NR6A1: variants seen among roughly 807,000 people sequenced by gnomAD.
The protein encoded by NR6A1 is nuclear receptor subfamily 6 group A member 1, also known as retinoic acid receptor-related testis-associated receptor.
Under a neutral mutation model 59.1 loss-of-function variants are expected in NR6A1, and 7 were observed. The observed-to-expected ratio is 0.12, with a 90% CI of 0.07 to 0.22. The LOEUF (loss-of-function observed/expected upper bound fraction) is 0.22. Among genes scored for constraint, NR6A1 ranks in the 10% least tolerant of loss-of-function variants. NR6A1 has a pLI of 1.00. For synonymous variants in NR6A1, 243 were observed against 236.1 expected (o/e 1.03, Z -0.27); for missense variants, 468 against 611.6 (o/e 0.77, Z 2.48).
rs535727593 is a variant in NR6A1 at position 124,737,527 on chromosome 9, A to G, written c.101-4178T>C. On this transcript the variant is annotated intron_variant, in intron 1 of 9. Transcript: ENST00000487099. ...CCCAAATGTACGTTAAATTGGATTT[A>G]TTCAATTAGATTCAACTCAAAGGCA... Among the ~76,000 whole-genome samples the G allele has an allele frequency of 7.2e-5, 11 of 152,340 alleles. No individual in the cohort carries two copies. The South Asian group carries it at 2.3e-3, about 32-fold the overall frequency.
chr9:124,718,540 A>G (rs1466128899), intron 2 of NR6A1, among the ~76,000 whole-genome samples: 2 of 152,238 alleles, frequency 1.3e-5, no homozygotes, highest in African/African-American at 4.8e-5. Flanking sequence ...AATTTGGCAG[A>G]ATAGCCATGG....
chr9:124,707,892 T>C (rs1376143923), intron 2 of NR6A1, among the ~76,000 whole-genome samples: 2 of 152,120 alleles, frequency 1.3e-5, no homozygotes, highest in Non-Finnish European at 2.9e-5. Context: ...GCTGCAACTA[T>C]GGTCAGGATA....
intron 2 of NR6A1, among the ~76,000 whole-genome samples, chr9:124,598,351 TAA>T (rs35509880): frequency 6.2e-5 from 8 of 129,740 alleles, no homozygotes; most frequent in Non-Finnish European, 8.2e-5. Context: ...CGTCCCTACT[TAA>T]AAAAAAAAAA....
chr9:124,599,328 AGAACCGCTT>A (rs1265357119), intron 2 of NR6A1: 3 of 367,770 alleles, frequency 8.2e-6, no homozygotes, highest in Non-Finnish European at 1.5e-5. Context: ...CCGAGGCAGG[AGAACCGCTT>A]GAACCCGGGA....
At chr9:124,769,846 C>T (rs567832364) in intron 1 of NR6A1, among the ~76,000 whole-genome samples, 25 of 152,226 alleles carry the variant, frequency 1.6e-4, no homozygotes, top group Non-Finnish European at 2.4e-4. Flanking sequence ...GCGCTAATTG[C>T]TCCAGGGCGC....
At chr9:124,685,313 C>T (rs191366382) in intron 2 of NR6A1, among the ~76,000 whole-genome samples, 2 of 152,292 alleles carry the variant, frequency 1.3e-5, no homozygotes, top group African/African-American at 2.4e-5. Flanking sequence ...CATTTCCCAT[C>T]GCTACCACTT....
chr9:124,556,144 G>C (rs530418779), intron 2 of NR6A1, among the ~76,000 whole-genome samples: 1 of 152,202 alleles, frequency 6.6e-6, no homozygotes, highest in Non-Finnish European at 1.5e-5. Context: ...AAAGGAAAAA[G>C]GGTATTTGTA....
At chr9:124,767,468 C>T (rs972090703) in intron 1 of NR6A1, among the ~76,000 whole-genome samples, 8 of 148,606 alleles carry the variant, frequency 5.4e-5, no homozygotes, top group African/African-American at 2.0e-4. Context: ...TGTCGCCTTT[C>T]TTCTACCCTA....
chr9:124,590,143 T>C (rs554824481), intron 2 of NR6A1, among the ~76,000 whole-genome samples: 64 of 141,298 alleles, frequency 4.5e-4, no homozygotes, highest in African/African-American at 1.6e-3. Context: ...TGAAACTTCA[T>C]AGAAAGGAAA....
intron 2 of NR6A1, among the ~76,000 whole-genome samples, chr9:124,627,903 TTTTTTTTC>T (rs1836294516): frequency 7.0e-6 from 1 of 141,848 alleles, no homozygotes; most frequent in African/African-American, 2.9e-5. Flanking sequence ...TTTTTTTTTT[TTTTTTTTC>T]AAAACAAAGC....
At chr9:124,707,243 G>A (rs917978519) in intron 2 of NR6A1, among the ~76,000 whole-genome samples, 4 of 151,672 alleles carry the variant, frequency 2.6e-5, no homozygotes, top group Non-Finnish European at 4.4e-5. Flanking sequence ...CTATCTACAA[G>A]TTCACCAATT....
intron 2 of NR6A1, among the ~76,000 whole-genome samples, chr9:124,651,522 A>G (rs1012897415): frequency 6.6e-6 from 1 of 152,210 alleles, no homozygotes; most frequent in African/African-American, 2.4e-5. Flanking sequence ...ATGCTGTAAG[A>G]ATTCAAAGTA....
intron 2 of NR6A1, among the ~76,000 whole-genome samples, chr9:124,696,303 G>A (rs144075465): frequency 6.6e-6 from 1 of 152,232 alleles, no homozygotes; most frequent in East Asian, 1.9e-4. Context: ...GCACAAGTTA[G>A]CAGGGGTAGA....
rs567771747 is a variant in NR6A1 at position 124,530,718 on chromosome 9, T to C, written c.1080-3818A>G. On this transcript the variant is annotated intron_variant, in intron 7 of 9. Transcript: ENST00000487099. The stretch of plus-strand genomic sequence containing the variant: ...CAGGAGTGGCCATCAGCCACAACCT[T>C]AGAGAAACTGCCATCTCAGCACCCA... Among the ~76,000 whole-genome samples, 4 of 152,274 alleles carry C rather than the reference T, an allele frequency of 2.6e-5. No homozygotes were observed. In the South Asian group the frequency reaches 8.3e-4, roughly 32 times the overall value.
chr9:124,611,376 T>C (rs1835737928), intron 2 of NR6A1, among the ~76,000 whole-genome samples: 1 of 152,028 alleles, frequency 6.6e-6, no homozygotes, highest in African/African-American at 2.4e-5. Flanking sequence ...TGCTCAGACA[T>C]CCGTAGGGAA....
chr9:124,599,836 T>C (rs79375405), intron 2 of NR6A1, among the ~76,000 whole-genome samples: 1,579 of 152,298 alleles, frequency 0.01, 27 homozygotes, highest in African/African-American at 0.036. Flanking sequence ...TAGTCCTCCA[T>C]TTCTTCCACT....
rs1428455082 is a variant in NR6A1 at position 124,687,284 on chromosome 9, C to CTAATTAATTAATTAAT, written c.142+46023_142+46024insATTAATTAATTAATTA. 8.9e-3 allele frequency among the ~76,000 whole-genome samples: 1,208 copies of CTAATTAATTAATTAAT among 135,998 alleles called. 23 individuals are homozygous for CTAATTAATTAATTAAT. The highest frequency in any genetic ancestry group is 0.035 in the African/African-American group (1,136 of 32,908). 89.2% of individuals were successfully genotyped at this position (135,998 alleles called of 152,430 possible). A position where few individuals can be genotyped will look rare whatever the true frequency, so the allele number is the denominator to read the frequency against. ...TACAGGCACATGCCACCACAGCCAG[C>CTAATTAATTAATTAAT]TAATTAATTATTTATTTATTTATTT... On this transcript the variant is annotated intron_variant, in intron 2 of 9. Coordinates refer to ENST00000487099, the MANE Select transcript of NR6A1 (RefSeq NM_033334.4).
intron 6 of NR6A1, among the ~76,000 whole-genome samples, chr9:124,536,466 C>A (rs2131346298): frequency 6.6e-6 from 1 of 152,194 alleles, no homozygotes; most frequent in South Asian, 2.1e-4. Flanking sequence ...CGAGACCAGC[C>A]TGGCCAACAT....
intron 1 of NR6A1, among the ~76,000 whole-genome samples, chr9:124,758,726 A>T (rs1840706651): frequency 6.6e-6 from 1 of 152,246 alleles, no homozygotes. Flanking sequence ...AAAGCAGCCA[A>T]GGGTTCTAAA....
Sources: gnomAD v4.1 joint callset for allele counts (sites outside exome capture counted in the v4.1 genomes callset) on GRCh38, gnomAD v4.1.1 for gene constraint, MANE v1.5 for transcripts, NCBI Gene and HGNC (gene_info 2026-07-23, HGNC 2026-07-21) for gene names.